TMEM204: variants seen among roughly 807,000 people sequenced by gnomAD.
The protein encoded by TMEM204 is transmembrane protein 204.
A neutral mutation model predicts 19.4 loss-of-function variants in TMEM204; 15 were observed. That is an observed-to-expected ratio of 0.77 (90% CI 0.52 to 1.19). The LOEUF (loss-of-function observed/expected upper bound fraction) is 1.19, where lower values mean the gene tolerates loss of function less well. TMEM204 is among the 50% of genes most tolerant of loss of function. TMEM204 has a pLI of 0.00. For missense variants in TMEM204, 287 were observed against 321.2 expected, an observed-to-expected ratio of 0.89 and a Z score of 0.81; for synonymous variants, 161 against 146.0, an observed-to-expected ratio of 1.10 and a Z score of -0.74.
chr16:1,535,740 T>A (rs749135317), intron 1 of TMEM204, among the ~76,000 whole-genome samples: 2 of 152,232 alleles, frequency 1.3e-5, no homozygotes, highest in African/African-American at 2.4e-5. Context: ...AACCCCCTTG[T>A]CCACTCAAAG....
intron 1 of TMEM204, among the ~76,000 whole-genome samples, chr16:1,538,143 G>A (rs1282427493): frequency 6.6e-6 from 1 of 152,242 alleles, no homozygotes; most frequent in African/African-American, 2.4e-5. Flanking sequence ...GCTCAGACAG[G>A]AAGGCTCGGG....
intron 1 of TMEM204, 40 bp downstream of exon 1, chr16:1,534,595 A>G (rs1290181478): frequency 7.5e-6 from 12 of 1,595,702 alleles, no homozygotes; most frequent in Non-Finnish European, 1.0e-5. Context: ...AGCGTGGCCG[A>G]GGCTCGAGGG....
rs556395210 is a variant in TMEM204, at chr16:1,540,933, T to A, written c.281-988T>A. ...AGTGTCTGTCAGCACACACATTGTCTGCTCTGCAGCGTGCAGGGGCCTGGG... is the reference window on the plus strand; with the variant it reads ...AGTGTCTGTCAGCACACACATTGTCAGCTCTGCAGCGTGCAGGGGCCTGGG... On this transcript the variant is annotated intron_variant, in intron 1 of 2. Transcript: ENST00000566264. 17 of 985,450 alleles carry A rather than the reference T, an allele frequency of 1.7e-5. No homozygotes were observed. The African/African-American group carries it at 2.4e-4, about 14-fold the overall frequency. The allele number at this position is 985,450 out of a possible 1,614,324, so 61.0% of individuals were successfully genotyped here. A position where few individuals can be genotyped will look rare whatever the true frequency, so the allele number is the denominator to read the frequency against.
chr16:1,530,391 A>G (rs997396496), upstream of TMEM204, among the ~76,000 whole-genome samples: 1 of 151,986 alleles, frequency 6.6e-6, no homozygotes, highest in Non-Finnish European at 1.5e-5. Flanking sequence ...TCGGTCTCCC[A>G]AAGTGCTTGG....
intron 2 of TMEM204, among the ~76,000 whole-genome samples, chr16:1,545,601 C>A (rs1596338774): frequency 6.6e-6 from 1 of 152,152 alleles, no homozygotes; most frequent in Non-Finnish European, 1.5e-5. Context: ...CAAGGAAACG[C>A]CTGCTATTAC....
At chr16:1,534,578 T>G (rs367755954) in intron 1 of TMEM204, 23 bp downstream of exon 1, 6 of 1,598,406 alleles carry the variant, frequency 3.8e-6, no homozygotes, top group Non-Finnish European at 5.1e-6. Context: ...GTTTTCCTGA[T>G]GCCTTCAGCG....
chr16:1,545,280 C>T lies in TMEM204; in HGVS notation c.436+3204C>T, dbSNP rs568556413. ...AGGCTCTGTTCAACAACCGCCAGAA[C>T]GGCAGGCACCAGGGCGAGGGCCAGC... is the stretch of plus-strand genomic sequence containing the variant. On this transcript the variant is annotated intron_variant, in intron 2 of 2. Transcript: ENST00000566264. 7.2e-5 allele frequency among the ~76,000 whole-genome samples: 11 copies of T among 151,968 alleles called. No individual in the cohort carries two copies. In the South Asian group the frequency reaches 1.0e-3, roughly 14 times the overall value.
chr16:1,531,872 G>A (rs919934876), upstream of TMEM204: 1 of 152,286 alleles, frequency 6.6e-6, no homozygotes, highest in Non-Finnish European at 1.5e-5. The surrounding 1 kb of genome is among the most constrained non-coding windows in gnomAD (Gnocchi z 4.7). Flanking sequence ...AAGGACCAGA[G>A]CGGGCCGCTG....
At position 1,554,173 on chromosome 16, in the gene TMEM204, C is replaced by G. The variant is rs2032902553; in HGVS notation, c.437-609C>G. The G allele has an allele frequency of 1.5e-5, 19 of 1,262,668 alleles. No individual in the cohort carries two copies. In the South Asian group the frequency reaches 2.4e-4, roughly 16 times the overall value. The allele number at this position is 1,262,668 out of a possible 1,614,324, so 78.2% of individuals were successfully genotyped here. A position where few individuals can be genotyped will look rare whatever the true frequency, so the allele number is the denominator to read the frequency against. On this transcript the variant is annotated intron_variant, in intron 2 of 2. Transcript: ENST00000566264. ...GGAGCCCTAGACAAGGCCCTGGCCC[C>G]ATCTCCGCCCTGCCTGAGCTGCAGA...
rs939995062 is a variant in TMEM204, at chr16:1,541,483, G to A, written c.281-438G>A. On this transcript the variant is annotated intron_variant, in intron 1 of 2. Transcript: ENST00000566264. Reference sequence around the variant, plus strand: ...CACGCCTGAGGAGCTGGCCCCCCGCGGAGTCTCCGGTCAGGCAGCGCCCTC... The same window carrying A: ...CACGCCTGAGGAGCTGGCCCCCCGCAGAGTCTCCGGTCAGGCAGCGCCCTC... The A allele has an allele frequency of 2.7e-5, 27 of 985,314 alleles. No homozygotes were observed. In the African/African-American group the frequency reaches 2.8e-4, roughly 10 times the overall value. The allele number at this position is 985,314 out of a possible 1,614,324, so 61.0% of individuals were successfully genotyped here. A position where few individuals can be genotyped will look rare whatever the true frequency, so the allele number is the denominator to read the frequency against.
At chr16:1,537,268 C>T (rs1162433300) in intron 1 of TMEM204, among the ~76,000 whole-genome samples, 4 of 152,266 alleles carry the variant, frequency 2.6e-5, no homozygotes, top group African/African-American at 9.6e-5. Context: ...CTCACGCACA[C>T]CAGGCCACCC....
chr16:1,541,414 A>C, intron 1 of TMEM204: 5 of 985,352 alleles, frequency 5.1e-6, no homozygotes, highest in Non-Finnish European at 6.0e-6. Context: ...AGGGAACACC[A>C]CCATGAGCCG....
intron 2 of TMEM204, among the ~76,000 whole-genome samples, chr16:1,548,067 C>G (rs2032320367): frequency 6.6e-6 from 1 of 152,242 alleles, no homozygotes; most frequent in Admixed American, 6.5e-5. Context: ...CCAACTTTGG[C>G]TGTTGAGAGC....
Position 1,554,940 on chromosome 16 carries a change from G to A in TMEM204, c.595G>A (p.Ala199Thr), listed in dbSNP as rs768502475. 2 of 1,614,118 alleles carry A rather than the reference G, an allele frequency of 1.2e-6. No homozygotes were observed. The highest frequency in any genetic ancestry group is 2.2e-5 in the East Asian group (1 of 44,886). Reference protein sequence around the residue: ...NILHKREDCMAPRVIVISRSL... With the variant: ...NILHKREDCMTPRVIVISRSL... ...TCTCCACAAGAGGGAGGACTGCATG[G>A]CCCCCCGGGTGATTGTCATCAGCCG... is the stretch of plus-strand genomic sequence containing the variant. Residue 199 changes from alanine to threonine, a missense_variant, in exon 3 of 3, where the codon GCC becomes ACC. Physicochemically the swap from Ala to Thr is moderately conservative, Grantham distance 58 (BLOSUM62 0). Transcript: ENST00000566264.
chr16:1,534,085 T>A lies in TMEM204; in HGVS notation c.-191T>A. The A allele has an allele frequency of 1.5e-6, 1 of 649,216 alleles. No individual in the cohort carries two copies. Among genetic ancestry groups the A allele is most frequent in the Non-Finnish European group, 2.5e-6 (1 of 403,120 alleles). The allele number at this position is 649,216 out of a possible 1,614,324, so 40.2% of individuals were successfully genotyped here. ...AGCACAGGCCTGGCCCTGCTCCAGG[T>A]GCAGGAAGGAGGATAAGGCCGGGCC... On this transcript the variant is annotated 5_prime_UTR_variant, in exon 1 of 3. Transcript: ENST00000566264.
chr16:1,547,907 G>A (rs2032306868), intron 2 of TMEM204, among the ~76,000 whole-genome samples: 1 of 152,168 alleles, frequency 6.6e-6, no homozygotes, highest in Non-Finnish European at 1.5e-5. Flanking sequence ...ACACTCCTGG[G>A]CTCAAGTGAT....
At chr16:1,531,866 A>C (rs1300027975), upstream of TMEM204, 1 of 152,242 alleles carries the variant, frequency 6.6e-6, no homozygotes, top group Non-Finnish European at 1.5e-5. The surrounding 1 kb of genome is among the most constrained non-coding windows in gnomAD (Gnocchi z 4.7). Flanking sequence ...TGAGGAAAGG[A>C]CCAGAGCGGG....
At chr16:1,544,136 G>A (rs2031920374) in intron 2 of TMEM204, among the ~76,000 whole-genome samples, 1 of 150,010 alleles carries the variant, frequency 6.7e-6, no homozygotes, top group African/African-American at 2.5e-5. Flanking sequence ...TCCTGCCTCA[G>A]CCTCCCGTGT....
At position 1,538,018 on chromosome 16, in the gene TMEM204, C is replaced by G. The variant is rs555833472; in HGVS notation, c.280+3463C>G. On this transcript the variant is annotated intron_variant, in intron 1 of 2. Coordinates refer to ENST00000566264, the MANE Select transcript of TMEM204 (RefSeq NM_024600.6). The stretch of plus-strand genomic sequence containing the variant: ...TTTAAAAGTCAGCTGCTACCACGCA[C>G]AGCCACGCAGAGCCACGCAGAGCCA... 2.6e-4 allele frequency among the ~76,000 whole-genome samples: 40 copies of G among 152,338 alleles called. No homozygotes were observed. The South Asian group carries it at 5.4e-3, about 21-fold the overall frequency.
Sources: allele counts gnomAD v4.1 joint callset (sites outside exome capture counted in the v4.1 genomes callset), GRCh38; gene constraint gnomAD v4.1.1; non-coding constraint Gnocchi (gnomAD v3.1); transcripts MANE v1.5; gene names NCBI Gene and HGNC (gene_info 2026-07-23, HGNC 2026-07-21).